RYR2: variants seen among roughly 807,000 people sequenced by gnomAD.
RYR2 encodes ryanodine receptor 2.
In RYR2, 227 loss-of-function variants were observed where a neutral mutation model predicts 601.1. That is an observed-to-expected ratio of 0.38 (90% CI 0.34 to 0.42). The LOEUF (loss-of-function observed/expected upper bound fraction) is 0.42. RYR2 is among the 10% of genes least tolerant of loss of function. The pLI is 1.00. For synonymous variants in RYR2, 2,223 were observed against 2,175.1 expected, an observed-to-expected ratio of 1.02 and a Z score of -0.61; for missense variants, 4,646 against 6,156.5, an observed-to-expected ratio of 0.75 and a Z score of 8.21.
intron 29 of RYR2, among the ~76,000 whole-genome samples, chr1:237,571,087 C>T (rs1232424914): frequency 1.3e-5 from 2 of 152,060 alleles, no homozygotes; most frequent in African/African-American, 4.8e-5. Flanking sequence ...GTGATTGTGC[C>T]ACTGTACTCC....
At chr1:237,472,065 C>G (rs1455425747) in intron 17 of RYR2, among the ~76,000 whole-genome samples, 1 of 152,064 alleles carries the variant, frequency 6.6e-6, no homozygotes, top group Admixed American at 6.5e-5. Context: ...TTTTGCTGAA[C>G]AATTTTTTCT....
intron 84 of RYR2, among the ~76,000 whole-genome samples, chr1:237,768,818 G>C (rs915890172): frequency 6.6e-6 from 1 of 152,068 alleles, no homozygotes; most frequent in South Asian, 2.1e-4. Context: ...CTTATACCTG[G>C]TATCACCTGA....
intron 80 of RYR2, among the ~76,000 whole-genome samples, chr1:237,746,920 C>T (rs1692129136): frequency 6.6e-6 from 1 of 151,822 alleles, no homozygotes; most frequent in African/African-American, 2.4e-5. Flanking sequence ...ATGGGTTTTT[C>T]TCACCTAGAT....
At chr1:237,237,014 A>G (rs1249836080) in intron 1 of RYR2, among the ~76,000 whole-genome samples, 1 of 152,154 alleles carries the variant, frequency 6.6e-6, no homozygotes, top group African/African-American at 2.4e-5. Context: ...TGTTATAATG[A>G]TATGAGTGAG....
Position 237,042,561 on chromosome 1 carries a change from C to T in RYR2, c.40C>T (p.Leu14=), listed in dbSNP as rs878854156. The T allele has an allele frequency of 4.5e-5, 57 of 1,261,970 alleles. No homozygotes were observed. Among genetic ancestry groups the T allele is most frequent in the Non-Finnish European group, 5.3e-5 (53 of 995,876 alleles). 78.2% of individuals were successfully genotyped at this position (1,261,970 alleles called of 1,614,324 possible). A position where few individuals can be genotyped will look rare whatever the true frequency, so the allele number is the denominator to read the frequency against. The part of the protein sequence containing the change: ...GGEGEDEIQF[L]RTDDEVVLQC... ...CGAGGGCGAAGACGAGATCCAGTTC[C>T]TGCGAACTGTAAGCGCCGTGCGTCG... Residue 14 remains leucine, a synonymous_variant, in exon 1 of 105, where the codon CTG becomes TTG. Coordinates refer to ENST00000366574, the MANE Select transcript of RYR2 (RefSeq NM_001035.3).
At chr1:237,580,155 C>CTTT (rs58145628) in intron 29 of RYR2, among the ~76,000 whole-genome samples, 2 of 116,624 alleles carry the variant, frequency 1.7e-5, no homozygotes, top group Non-Finnish European at 3.4e-5. Context: ...CACAACAATT[C>CTTT]TTTTTTTTTT....
intron 1 of RYR2, among the ~76,000 whole-genome samples, chr1:237,244,850 A>G (rs1412173893): frequency 6.6e-6 from 1 of 152,140 alleles, no homozygotes; most frequent in African/African-American, 2.4e-5. Flanking sequence ...GGAGGCTCCC[A>G]TTGTCAAAGC....
At chr1:237,445,729 T>A (rs1342574782) in intron 14 of RYR2, among the ~76,000 whole-genome samples, 1 of 152,154 alleles carries the variant, frequency 6.6e-6, no homozygotes, top group African/African-American at 2.4e-5. Context: ...TTTTGGAAAT[T>A]GGATGTGTAA....
At position 237,323,627 on chromosome 1, in the gene RYR2, C is replaced by G. The variant is rs181066579; in HGVS notation, c.169-7251C>G. Among the ~76,000 whole-genome samples the G allele has an allele frequency of 3.6e-4, 55 of 152,262 alleles. No homozygotes were observed. The South Asian group carries it at 0.011, about 30-fold the overall frequency. ...GCATGTCAAGGAGCAAAATGAACAC[C>G]GAGCAAACCATATGGGATGCTACGA... On this transcript the variant is annotated intron_variant, in intron 2 of 104. Coordinates refer to ENST00000366574, the MANE Select transcript of RYR2 (RefSeq NM_001035.3).
chr1:237,622,989 T>C (rs751931510), intron 38 of RYR2, among the ~76,000 whole-genome samples: 10 of 152,244 alleles, frequency 6.6e-5, no homozygotes, highest in South Asian at 4.1e-4. Flanking sequence ...TTTTCAATTA[T>C]ATTTTTCCTT....
intron 1 of RYR2, among the ~76,000 whole-genome samples, chr1:237,254,555 T>C (rs183924530): frequency 4.3e-4 from 65 of 152,278 alleles, no homozygotes; most frequent in Non-Finnish European, 6.0e-4. Flanking sequence ...CTGAGTCTGG[T>C]ATAGGTCTTT....
At chr1:237,686,238 A>G (rs1037692487) in intron 62 of RYR2, among the ~76,000 whole-genome samples, 9 of 152,216 alleles carry the variant, frequency 5.9e-5, no homozygotes, top group African/African-American at 1.7e-4. Flanking sequence ...GGTACTATAC[A>G]CATGGATCTT....
At chr1:237,382,362 CTTTT>C (rs528908529) in intron 8 of RYR2, among the ~76,000 whole-genome samples, 1 of 152,102 alleles carries the variant, frequency 6.6e-6, no homozygotes, top group Non-Finnish European at 1.5e-5. Flanking sequence ...CTCTAAATTT[CTTTT>C]TTTATTTTTT....
At chr1:237,661,788 G>T (rs1040106801) in intron 56 of RYR2, among the ~76,000 whole-genome samples, 1 of 152,122 alleles carries the variant, frequency 6.6e-6, no homozygotes, top group African/African-American at 2.4e-5. Context: ...AAGGGAGTTC[G>T]ACAAACAAGC....
At chr1:237,303,481 G>A (rs1352660439) in intron 2 of RYR2, among the ~76,000 whole-genome samples, 2 of 151,638 alleles carry the variant, frequency 1.3e-5, no homozygotes, top group African/African-American at 2.4e-5. Flanking sequence ...TGTATTTTTA[G>A]TAGAGACGGG....
At chr1:237,642,635 G>A (rs778775601) in intron 47 of RYR2, among the ~76,000 whole-genome samples, 1 of 152,178 alleles carries the variant, frequency 6.6e-6, no homozygotes, top group Non-Finnish European at 1.5e-5. Flanking sequence ...CCTCCTGTGT[G>A]CCAGAAATTG....
intron 34 of RYR2, among the ~76,000 whole-genome samples, chr1:237,598,695 C>T (rs953158258): frequency 6.6e-6 from 1 of 152,058 alleles, no homozygotes; most frequent in Non-Finnish European, 1.5e-5. Flanking sequence ...TATTAAATGC[C>T]TACATTTAAG....
At chr1:237,639,454 T>C (rs1307430355) in intron 46 of RYR2, among the ~76,000 whole-genome samples, 1 of 152,180 alleles carries the variant, frequency 6.6e-6, no homozygotes, top group East Asian at 1.9e-4. Context: ...ATGCATCTTA[T>C]GAATTTTCCT....
At chr1:237,074,479 C>T (rs1402290059) in intron 1 of RYR2, among the ~76,000 whole-genome samples, 1 of 152,174 alleles carries the variant, frequency 6.6e-6, no homozygotes, top group Non-Finnish European at 1.5e-5. Context: ...TGCTTTACAC[C>T]TCTGAGGCCT....
Sources: allele counts gnomAD v4.1 joint callset (sites outside exome capture counted in the v4.1 genomes callset), GRCh38; gene constraint gnomAD v4.1.1; transcripts MANE v1.5; gene names NCBI Gene and HGNC (gene_info 2026-07-23, HGNC 2026-07-21).